Variants in ITGA2B observed in about 807,000 individuals in gnomAD.
The protein encoded by ITGA2B is integrin alpha-IIb.
Under a neutral mutation model 142.0 loss-of-function variants are expected in ITGA2B, and 91 were observed. That is an observed-to-expected ratio of 0.64 (90% CI 0.54 to 0.76). ITGA2B has a LOEUF of 0.76. ITGA2B is among the 30% of genes least tolerant of loss of function. The pLI is 0.00. For missense variants in ITGA2B, 1,231 were observed against 1,350.8 expected (o/e 0.91, Z 1.39); for synonymous variants, 536 against 567.2 (o/e 0.94, Z 0.78).
In ITGA2B at chr17:44,372,355, G is replaced by A. The variant is rs1371584927; in HGVS notation, c.*9C>T. On this transcript the variant is annotated 3_prime_UTR_variant, in exon 30 of 30. Coordinates refer to ENST00000262407, the MANE Select transcript of ITGA2B (RefSeq NM_000419.5). ...CAACCCTCCTGCTAGAATAGTGTAG[G>A]CTGCACCATCACTCCCCCTCTTCAT... The A allele has an allele frequency of 6.2e-7, 1 of 1,613,988 alleles. No homozygotes were observed.
intron 26 of ITGA2B, 74 bp from the exon 27 acceptor site, chr17:44,375,185 G>T: frequency 7.7e-7 from 1 of 1,293,938 alleles, no homozygotes; most frequent in Non-Finnish European, 1.1e-6. Flanking sequence ...CTTACCCCCA[G>T]GACCCAACGC....
chr17:44,372,186 G>A lies in ITGA2B; in HGVS notation c.*178C>T. On this transcript the variant is annotated 3_prime_UTR_variant, in exon 30 of 30. Coordinates refer to ENST00000262407, the MANE Select transcript of ITGA2B (RefSeq NM_000419.5). ...AGGAGGCAGCATGCTCAGCATCAGGGCTCAGTCTCTTTATTAGGCAGCAGG... is the reference window on the plus strand; with the variant it reads ...AGGAGGCAGCATGCTCAGCATCAGGACTCAGTCTCTTTATTAGGCAGCAGG... The A allele has an allele frequency of 1.5e-6, 1 of 655,578 alleles. No homozygotes were observed. 40.6% of individuals were successfully genotyped at this position (655,578 alleles called of 1,614,324 possible). A position where few individuals can be genotyped will look rare whatever the true frequency, so the allele number is the denominator to read the frequency against.
Position 44,378,373 on chromosome 17 carries a change from T to A in ITGA2B, c.2083A>T (p.Ser695Cys). The A allele has an allele frequency of 6.2e-7, 1 of 1,612,156 alleles. No individual in the cohort carries two copies. The highest frequency in any genetic ancestry group is 8.5e-7 in the Non-Finnish European group (1 of 1,179,666). Residue 695 changes from serine to cysteine, a missense_variant, in exon 20 of 30, where the codon AGC becomes TGC. Ser to Cys is a moderately radical substitution (Grantham distance 112, BLOSUM62 -1). Transcript: ENST00000262407. The part of the protein sequence containing the change: ...PQGAHYMRAL[S>C]NVEGFERLIC... ...GGTGGGGGCCATACCTCGACATTGCTTAGGGCCCGCATGTAGTGGGCGCCC... is the reference window on the plus strand; with the variant it reads ...GGTGGGGGCCATACCTCGACATTGCATAGGGCCCGCATGTAGTGGGCGCCC...
At chr17:44,375,196 A>G in intron 26 of ITGA2B, 85 bp from the exon 27 acceptor site, 2 of 1,148,642 alleles carry the variant, frequency 1.7e-6, no homozygotes, top group African/African-American at 1.5e-5. Context: ...GACCCAACGC[A>G]GAAGGGGCCG....
In ITGA2B at chr17:44,385,269, T is replaced by A. The variant is rs1421519888; in HGVS notation, c.624+17A>T. 5.6e-6 allele frequency: 9 copies of A among 1,613,640 alleles called. No individual in the cohort carries two copies. The highest frequency in any genetic ancestry group is 2.2e-5 in the East Asian group (1 of 44,854). The stretch of plus-strand genomic sequence containing the variant: ...TGTTTGGGAGCCGCCCCCACTGCGC[T>A]TTTGCTCCCTACTCGCCTGAGTGAC... On this transcript the variant is annotated intron_variant, in intron 5 of 29. Transcript: ENST00000262407.
At chr17:44,378,223 C>G in intron 20 of ITGA2B, 139 bp downstream of exon 20, 1 of 1,196,456 alleles carries the variant, frequency 8.4e-7, no homozygotes, top group South Asian at 2.1e-5. Context: ...ATTCCTCCTC[C>G]AAATTAAAAA....
Position 44,372,209 on chromosome 17 carries a change from A to G in ITGA2B, c.*155T>C. The G allele has an allele frequency of 1.4e-6, 1 of 716,110 alleles. No homozygotes were observed. Among genetic ancestry groups the G allele is most frequent in the South Asian group, 1.5e-5 (1 of 65,672 alleles). 44.4% of individuals were successfully genotyped at this position (716,110 alleles called of 1,614,324 possible). Reference sequence around the variant, plus strand: ...GGGCTCAGTCTCTTTATTAGGCAGCAGGAGGGGGGGTAGCCCAGCTCTGTT... The same window carrying G: ...GGGCTCAGTCTCTTTATTAGGCAGCGGGAGGGGGGGTAGCCCAGCTCTGTT... On this transcript the variant is annotated 3_prime_UTR_variant, in exon 30 of 30. Coordinates refer to ENST00000262407, the MANE Select transcript of ITGA2B (RefSeq NM_000419.5).
intron 5 of ITGA2B, 30 bp from the exon 6 acceptor site, chr17:44,385,239 G>A (rs769860736): frequency 3.1e-6 from 5 of 1,613,792 alleles, no homozygotes; most frequent in Non-Finnish European, 4.2e-6. Flanking sequence ...GGTGAGAGGG[G>A]GCCCTGTTTG....
chr17:44,377,852 C>T (rs1384192573), intron 20 of ITGA2B, 62 bp from the exon 21 acceptor site: 3 of 929,788 alleles, frequency 3.2e-6, no homozygotes, highest in East Asian at 7.7e-5. Flanking sequence ...TTTAAGCTCC[C>T]TTGGAAGGTC....
At chr17:44,387,946 C>T (rs756168338) in intron 1 of ITGA2B, among the ~76,000 whole-genome samples, 7 of 151,964 alleles carry the variant, frequency 4.6e-5, no homozygotes, top group Non-Finnish European at 8.8e-5. Context: ...ACTCTCCCCA[C>T]TCACCCACTT....
In ITGA2B at chr17:44,374,419, A is replaced by C. The variant is rs1598375569; in HGVS notation, c.2995T>G (p.Trp999Gly). ...ALEERAIPIWWVLVGVLGGLL... is the reference protein window; with the variant it reads ...ALEERAIPIWGVLVGVLGGLL... ...CCACCCAGCACACCCACCAGCACCC[A>C]CCAGATTGGAATGGCCCTCTCCTCC... is the stretch of plus-strand genomic sequence containing the variant. The change falls in exon 29 of 30, where the codon TGG becomes GGG. Residue 999 changes from tryptophan to glycine, a missense_variant. By Grantham distance (184) the Trp-to-Gly change is radical. Around this residue, in one of 3 missense-constraint regions of ITGA2B, gnomAD observed 908 missense variants for 1,021.1 expected, o/e 0.89. Transcript: ENST00000262407. The C allele has an allele frequency of 1.9e-6, 3 of 1,613,946 alleles. No individual in the cohort carries two copies. Among genetic ancestry groups the C allele is most frequent in the Non-Finnish European group, 2.5e-6 (3 of 1,179,958 alleles).
intron 29 of ITGA2B, chr17:44,374,030 C>T (rs967376772): frequency 5.1e-5 from 18 of 355,490 alleles, no homozygotes; most frequent in Middle Eastern, 9.6e-4. Flanking sequence ...CTCAGCCTCC[C>T]GAGTAGCTGA....
intron 29 of ITGA2B, among the ~76,000 whole-genome samples, chr17:44,373,205 T>G (rs534791314): frequency 1.4e-4 from 21 of 152,054 alleles, no homozygotes; most frequent in East Asian, 1.4e-3. Context: ...TGGCACAATC[T>G]TGGCTCACTG....
chr17:44,373,218 A>G (rs964615520), intron 29 of ITGA2B, among the ~76,000 whole-genome samples: 1 of 149,866 alleles, frequency 6.7e-6, no homozygotes, highest in African/African-American at 2.5e-5. Context: ...GCTCACTGCA[A>G]CCTTCACCTC....
Position 44,380,911 on chromosome 17 carries a change from C to T in ITGA2B, c.1361G>A (p.Gly454Asp), listed in dbSNP as rs2048591163. Reference sequence around the variant, plus strand: ...TCCGTTGTCATCGATGTCTACGGCACCTCGAAGGGAGAAGCCAAAGGCAGA... The same window carrying T: ...TCCGTTGTCATCGATGTCTACGGCATCTCGAAGGGAGAAGCCAAAGGCAGA... ...TGSAFGFSLR[G>D]AVDIDDNGYP... Residue 454 changes from glycine to aspartate, a missense_variant, in exon 13 of 30, where the codon GGT (glycine) becomes GAT (aspartate). By Grantham distance (94) the Gly-to-Asp change is moderately conservative. This residue lies in a region of ITGA2B where 908 missense variants were observed against 1,021.1 expected (regional missense o/e 0.89). Coordinates refer to ENST00000262407, the MANE Select transcript of ITGA2B (RefSeq NM_000419.5). The T allele has an allele frequency of 6.2e-7, 1 of 1,614,118 alleles. No homozygotes were observed.
At chr17:44,386,193 G>A (rs556618882) in intron 1 of ITGA2B, 62 bp from the exon 2 acceptor site, 3 of 1,540,438 alleles carry the variant, frequency 1.9e-6, no homozygotes, top group Non-Finnish European at 2.6e-6. Context: ...CCTGGCGCCG[G>A]CGCTGGGAGC....
At chr17:44,388,871 G>A (rs1243359897) in intron 1 of ITGA2B, among the ~76,000 whole-genome samples, 2 of 138,246 alleles carry the variant, frequency 1.4e-5, no homozygotes, top group Admixed American at 8.2e-5. Context: ...CTCCATGTTG[G>A]TCAGGCTGGT....
chr17:44,384,374 G>A lies in ITGA2B; in HGVS notation c.848-20C>T. On this transcript the variant is annotated intron_variant, in intron 8 of 29. Transcript: ENST00000262407. ...CATATTCTGGCGATAGGGAGAGCCA[G>A]GCTCAGGGAATGAGAGCCTTAGAAC... 1.2e-6 allele frequency: 2 copies of A among 1,613,832 alleles called. No individual in the cohort carries two copies. The highest frequency in any genetic ancestry group is 1.7e-6 in the Non-Finnish European group (2 of 1,179,918).
Position 44,374,351 on chromosome 17 carries a change from C to G in ITGA2B, c.3060+3G>C. ...GGGGACTCCACCGTCCTTCACACCT[C>G]ACCTTCCACATGGCCAGGACCAGGA... On this transcript the variant is annotated splice_donor_region_variant and intron_variant, in intron 29 of 29. Transcript: ENST00000262407. 6.2e-7 allele frequency: 1 copy of G among 1,613,712 alleles called. No homozygotes were observed. The highest frequency in any genetic ancestry group is 1.1e-5 in the South Asian group (1 of 91,084).
Sources: gnomAD v4.1 joint callset for allele counts (sites outside exome capture counted in the v4.1 genomes callset) on GRCh38, gnomAD v4.1.1 for gene constraint, gnomAD v4.1.1 regional missense constraint, MANE v1.5 for transcripts, NCBI Gene and HGNC (gene_info 2026-07-23, HGNC 2026-07-21) for gene names.